The following DMD variants were observed in gnomAD, a reference collection of about 807,000 sequenced individuals.
The protein encoded by DMD is dystrophin.
DMD carries 63 observed loss-of-function variants against 330.1 expected under a neutral mutation model. The ratio of observed to expected loss-of-function variants is 0.19; its 90% CI spans 0.16 to 0.24. The LOEUF is 0.24. Among genes scored for constraint, DMD ranks in the 10% least tolerant of loss-of-function variants. The pLI, the probability that DMD is intolerant of heterozygous loss-of-function variation, is 1.00. For synonymous variants in DMD, 1,223 were observed against 959.8 expected, an observed-to-expected ratio of 1.27 and a Z score of -5.07; for missense variants, 3,344 against 2,684.1, an observed-to-expected ratio of 1.25 and a Z score of -5.43.
chrX:31,450,530 G>A (rs748162157), intron 59 of DMD, among the ~76,000 whole-genome samples: 4 of 112,478 alleles, frequency 3.6e-5, no homozygotes, highest in Admixed American at 1.9e-4. Context: ...ATCAGGCTCA[G>A]AGACTTCCAT....
At chrX:33,129,692 T>C (rs1484978679) in intron 1 of DMD, among the ~76,000 whole-genome samples, 2 of 110,056 alleles carry the variant, frequency 1.8e-5, no homozygotes, top group African/African-American at 3.3e-5. Flanking sequence ...GAGGTGTTGG[T>C]GGGAAAAATC....
intron 44 of DMD, among the ~76,000 whole-genome samples, chrX:32,018,418 G>C (rs868391632): frequency 3.6e-5 from 4 of 110,909 alleles, no homozygotes; most frequent in Non-Finnish European, 5.7e-5. Context: ...TGTTCTTTGC[G>C]GGGGAGCTCA....
At chrX:31,623,959 T>G (rs937660088) in intron 55 of DMD, among the ~76,000 whole-genome samples, 1 of 111,420 alleles carries the variant, frequency 9.0e-6, no homozygotes, top group Non-Finnish European at 1.9e-5. Flanking sequence ...TGTGAAACTC[T>G]TGTGAAATAT....
At chrX:31,342,813 A>T (rs1333324221) in intron 61 of DMD, among the ~76,000 whole-genome samples, 1 of 111,997 alleles carries the variant, frequency 8.9e-6, no homozygotes, top group Non-Finnish European at 1.9e-5. Context: ...GTCTCTCTCT[A>T]TCACCCAGGC....
intron 37 of DMD, among the ~76,000 whole-genome samples, chrX:32,356,801 A>G (rs1368821272): frequency 8.9e-6 from 1 of 112,208 alleles, no homozygotes; most frequent in Non-Finnish European, 1.9e-5. Flanking sequence ...AATATGACAC[A>G]CCTAAAGTTT....
chrX:33,336,873 T>C (rs1472695333), intron 1 of DMD, among the ~76,000 whole-genome samples: 2 of 111,141 alleles, frequency 1.8e-5, no homozygotes, highest in Non-Finnish European at 3.8e-5. Context: ...GAGCAAGAAA[T>C]ATTGGCAGAC....
rs187269537 is a variant in DMD, at chrX:32,917,463, A to T, written c.94-67643T>A. Among the ~76,000 whole-genome samples, 145 of 111,911 alleles carry T rather than the reference A, an allele frequency of 1.3e-3. 1 individual carries two copies. Among genetic ancestry groups the T allele is most frequent in the South Asian group, 5.6e-3 (15 of 2,669 alleles). ...TATTTTGGAACCACCACCACCACAC[A>T]TCACACACAAATTCACAAACATAAC... On this transcript the variant is annotated intron_variant, in intron 2 of 78. Coordinates refer to ENST00000357033, the MANE Select transcript of DMD (RefSeq NM_004006.3).
At chrX:33,172,227 G>A (rs1203897877) in intron 1 of DMD, among the ~76,000 whole-genome samples, 2 of 110,869 alleles carry the variant, frequency 1.8e-5, no homozygotes, top group Non-Finnish European at 3.8e-5. Context: ...ATAATTCCCC[G>A]CCATACTTTT....
At chrX:31,192,495 C>T (rs2042471461) in intron 67 of DMD, among the ~76,000 whole-genome samples, 1 of 112,076 alleles carries the variant, frequency 8.9e-6, no homozygotes. Context: ...ATGTACAAGA[C>T]TGTTTTCTAT....
intron 1 of DMD, among the ~76,000 whole-genome samples, chrX:33,164,807 C>G (rs1315948271): frequency 9.0e-6 from 1 of 110,884 alleles, no homozygotes; most frequent in Non-Finnish European, 1.9e-5. Context: ...GCTAATAGAT[C>G]ATTGCACTCT....
intron 57 of DMD, among the ~76,000 whole-genome samples, chrX:31,483,338 G>A (rs1024315778): frequency 2.7e-5 from 3 of 111,544 alleles, no homozygotes; most frequent in Admixed American, 9.5e-5. Flanking sequence ...GAGCCACCAC[G>A]CCCGGCCGGA....
At chrX:32,708,411 A>G (rs977643689) in intron 7 of DMD, among the ~76,000 whole-genome samples, 7 of 111,208 alleles carry the variant, frequency 6.3e-5, no homozygotes, top group African/African-American at 2.0e-4. Context: ...GGACTGTGGT[A>G]AAATTCACTA....
intron 2 of DMD, among the ~76,000 whole-genome samples, chrX:32,914,828 C>T (rs936375510): frequency 3.6e-5 from 4 of 111,996 alleles, no homozygotes; most frequent in African/African-American, 1.3e-4. Context: ...CAAACTAAAA[C>T]ATTTTGTGTC....
chrX:31,654,289 T>C (rs1030068988), intron 54 of DMD, among the ~76,000 whole-genome samples: 2 of 111,801 alleles, frequency 1.8e-5, no homozygotes, highest in South Asian at 3.7e-4. Context: ...TGACTGAAAG[T>C]CTCAGTGCAG....
intron 55 of DMD, among the ~76,000 whole-genome samples, chrX:31,604,389 A>G (rs2077511385): frequency 9.0e-6 from 1 of 111,252 alleles, no homozygotes; most frequent in African/African-American, 3.3e-5. Context: ...CTGTGATTCT[A>G]TGGTCTCTGG....
At chrX:31,992,037 G>C (rs1217762640) in intron 44 of DMD, among the ~76,000 whole-genome samples, 1 of 111,756 alleles carries the variant, frequency 8.9e-6, no homozygotes, top group Non-Finnish European at 1.9e-5. Flanking sequence ...TTAAAACGCA[G>C]TGTAAGGAAG....
At chrX:33,041,137 TA>T (rs1245048672) in intron 1 of DMD, among the ~76,000 whole-genome samples, 1 of 113,370 alleles carries the variant, frequency 8.8e-6, no homozygotes, top group Non-Finnish European at 1.9e-5. Context: ...AGAATAACAG[TA>T]CCTTAAAATG....
At chrX:32,122,520 T>A (rs1406918819) in intron 44 of DMD, among the ~76,000 whole-genome samples, 1 of 111,716 alleles carries the variant, frequency 9.0e-6, no homozygotes, top group African/African-American at 3.3e-5. Flanking sequence ...GATGATTCTG[T>A]AAGGTGTTAT....
intron 60 of DMD, among the ~76,000 whole-genome samples, chrX:31,391,205 C>T (rs1173438083): frequency 5.4e-5 from 6 of 110,763 alleles, no homozygotes; most frequent in Non-Finnish European, 1.1e-4. Flanking sequence ...GGCTGGAGCA[C>T]AGTGACGTGA....
Sources: allele counts gnomAD v4.1 joint callset (sites outside exome capture counted in the v4.1 genomes callset), GRCh38; gene constraint gnomAD v4.1.1; transcripts MANE v1.5; gene names NCBI Gene and HGNC (gene_info 2026-07-23, HGNC 2026-07-21).